NIPAL3: variants seen among roughly 807,000 people sequenced by gnomAD.
NIPAL3 encodes the protein NIPA-like protein 3.
In NIPAL3, 41 loss-of-function variants were observed where a neutral mutation model predicts 47.2. The observed-to-expected ratio is 0.87, with a 90% CI of 0.68 to 1.13. The LOEUF is 1.13. NIPAL3 is among the 50% of genes most tolerant of loss of function. The pLI is 0.00. For missense variants in NIPAL3, 449 were observed against 530.1 expected, an observed-to-expected ratio of 0.85 and a Z score of 1.50; for synonymous variants, 194 against 209.6, an observed-to-expected ratio of 0.93 and a Z score of 0.64.
intron 2 of NIPAL3, among the ~76,000 whole-genome samples, chr1:24,420,779 A>T (rs961696228): frequency 4.6e-5 from 7 of 152,142 alleles, no homozygotes. Flanking sequence ...TGCTCAACAG[A>T]TCCTCATTGC....
At chr1:24,425,245 G>A (rs1644523776) in intron 2 of NIPAL3, among the ~76,000 whole-genome samples, 1 of 152,238 alleles carries the variant, frequency 6.6e-6, no homozygotes, top group Non-Finnish European at 1.5e-5. Context: ...CCAACCCACA[G>A]CCCAGGACAG....
chr1:24,443,601 G>T (rs1645504179), intron 4 of NIPAL3, among the ~76,000 whole-genome samples: 1 of 152,164 alleles, frequency 6.6e-6, no homozygotes, highest in South Asian at 2.1e-4. Flanking sequence ...CCAGGAGTTG[G>T]CAAGGGAGCA....
chr1:24,443,608 A>G (rs979598333), intron 4 of NIPAL3, among the ~76,000 whole-genome samples: 5 of 152,184 alleles, frequency 3.3e-5, no homozygotes, highest in Non-Finnish European at 5.9e-5. Context: ...TTGGCAAGGG[A>G]GCAGAAACCT....
chr1:24,464,675 G>C (rs999978547), intron 11 of NIPAL3: 1 of 152,246 alleles, frequency 6.6e-6, no homozygotes, highest in African/African-American at 2.4e-5. Flanking sequence ...CGGAGGACTG[G>C]AGAGTGCCTG....
At chr1:24,434,677 A>G (rs1645020628) in intron 2 of NIPAL3, among the ~76,000 whole-genome samples, 1 of 152,340 alleles carries the variant, frequency 6.6e-6, no homozygotes, top group East Asian at 1.9e-4. Context: ...GATAGAGCAT[A>G]TATTAGGACA....
At chr1:24,447,172 C>T (rs777087022) in intron 5 of NIPAL3, among the ~76,000 whole-genome samples, 4 of 152,164 alleles carry the variant, frequency 2.6e-5, no homozygotes, top group East Asian at 1.9e-4. Context: ...AGAGATTCTG[C>T]GCTCTGGGCT....
chr1:24,424,932 A>T (rs927407685), intron 2 of NIPAL3, among the ~76,000 whole-genome samples: 1 of 152,206 alleles, frequency 6.6e-6, no homozygotes, highest in African/African-American at 2.4e-5. Flanking sequence ...TCTTAAGTCC[A>T]GCTTGATGGG....
In NIPAL3 at chr1:24,434,177, A is replaced by G. The variant is rs1645000287; in HGVS notation, c.94-5995A>G. Reference sequence around the variant, plus strand: ...GCAGAATATATATTTTAAAACATTCAAGTATGTGCTATCTACAAAAGATTC... The same window carrying G: ...GCAGAATATATATTTTAAAACATTCGAGTATGTGCTATCTACAAAAGATTC... On this transcript the variant is annotated intron_variant, in intron 2 of 11. Transcript: ENST00000374399. 2.0e-5 allele frequency among the ~76,000 whole-genome samples: 3 copies of G among 152,208 alleles called. No individual in the cohort carries two copies. In the South Asian group the frequency reaches 6.2e-4, roughly 31 times the overall value.
At chr1:24,458,491 G>A (rs1173003049) in intron 8 of NIPAL3, among the ~76,000 whole-genome samples, 1 of 152,068 alleles carries the variant, frequency 6.6e-6, no homozygotes, top group Non-Finnish European at 1.5e-5. Context: ...TATGACACTA[G>A]GCAGAACGTG....
In NIPAL3 at chr1:24,456,257, G is replaced by A. The variant is rs149541252; in HGVS notation, c.757G>A (p.Ala253Thr). The change falls in exon 8 of 12, where the codon GCC (alanine) becomes ACC (threonine). Residue 253 changes from alanine to threonine, a missense_variant. Physicochemically the swap from Ala to Thr is moderately conservative, Grantham distance 58. Coordinates refer to ENST00000374399, the MANE Select transcript of NIPAL3 (RefSeq NM_020448.5). ...GATGTTCGTGTGCATGGTGGCAACC[G>A]CCGTCTATCAGGCTGCGTGAGTTAC... ...YVMFVCMVAT[A>T]VYQAAFLSQA... is the part of the protein sequence containing the mutation. The A allele has an allele frequency of 2.4e-4, 381 of 1,614,218 alleles. No individual in the cohort carries two copies. Among genetic ancestry groups the A allele is most frequent in the Non-Finnish European group, 3.1e-4 (365 of 1,180,042 alleles).
At chr1:24,439,045 G>T (rs1397782937) in intron 2 of NIPAL3, among the ~76,000 whole-genome samples, 1 of 152,054 alleles carries the variant, frequency 6.6e-6, no homozygotes, top group Non-Finnish European at 1.5e-5. Flanking sequence ...CTCCAAAACG[G>T]GGAGGGGTGG....
intron 6 of NIPAL3, among the ~76,000 whole-genome samples, chr1:24,452,582 A>T (rs1645989833): frequency 6.6e-6 from 1 of 152,212 alleles, no homozygotes; most frequent in Non-Finnish European, 1.5e-5. Context: ...AGGCCACACG[A>T]CTAGTTTAGA....
At chr1:24,437,147 G>A (rs1478143736) in intron 2 of NIPAL3, among the ~76,000 whole-genome samples, 1 of 152,082 alleles carries the variant, frequency 6.6e-6, no homozygotes, top group African/African-American at 2.4e-5. Context: ...AGCTACTTGG[G>A]AGGCTGAGGC....
At chr1:24,433,086 C>G (rs1644948487) in intron 2 of NIPAL3, 1 of 152,220 alleles carries the variant, frequency 6.6e-6, no homozygotes, top group South Asian at 2.1e-4. Flanking sequence ...ATGGGTTTAT[C>G]TTGTTTCATT....
chr1:24,439,926 C>G (rs1645295557), intron 2 of NIPAL3, among the ~76,000 whole-genome samples: 1 of 152,220 alleles, frequency 6.6e-6, no homozygotes, highest in South Asian at 2.1e-4. Context: ...CAGGTTTAGA[C>G]CTTGTCAGGT....
At chr1:24,443,731 A>G (rs577972353) in intron 4 of NIPAL3, among the ~76,000 whole-genome samples, 20 of 152,294 alleles carry the variant, frequency 1.3e-4, no homozygotes, top group African/African-American at 4.8e-4. Context: ...TTTTTCCCAC[A>G]CAGTACTTTT....
intron 6 of NIPAL3, 90 bp from the exon 7 acceptor site, chr1:24,453,318 G>C (rs1646030095): frequency 1.2e-6 from 1 of 808,450 alleles, no homozygotes; most frequent in Non-Finnish European, 2.1e-6. Flanking sequence ...TCAACCCTGT[G>C]ACTCTGGTGA....
chr1:24,460,960 A>G (rs758730668), intron 10 of NIPAL3, among the ~76,000 whole-genome samples: 45 of 152,224 alleles, frequency 3.0e-4, no homozygotes, highest in Non-Finnish European at 5.0e-4. Flanking sequence ...AACAACAGCA[A>G]CAAAAAATCC....
chr1:24,459,018 C>T, intron 9 of NIPAL3, 42 bp downstream of exon 9: 1 of 1,561,826 alleles, frequency 6.4e-7, no homozygotes, highest in Non-Finnish European at 8.8e-7. Context: ...TCTACTTTAG[C>T]AGCAGGGTAT....
Sources: gnomAD v4.1 joint callset for allele counts (sites outside exome capture counted in the v4.1 genomes callset) on GRCh38, gnomAD v4.1.1 for gene constraint, MANE v1.5 for transcripts, NCBI Gene and HGNC (gene_info 2026-07-23, HGNC 2026-07-21) for gene names.